The following SORBS3 variants were observed in gnomAD, a reference collection of about 807,000 sequenced individuals.
SORBS3 encodes the protein vinexin.
In SORBS3, 69 loss-of-function variants were observed where a neutral mutation model predicts 98.0. The observed-to-expected ratio is 0.70, with a 90% CI of 0.58 to 0.86. The LOEUF (loss-of-function observed/expected upper bound fraction) is 0.86. SORBS3 is among the 40% of genes least tolerant of loss of function. The pLI is 0.00. For synonymous variants in SORBS3, 394 were observed against 355.4 expected, an observed-to-expected ratio of 1.11 and a Z score of -1.22; for missense variants, 954 against 908.5, an observed-to-expected ratio of 1.05 and a Z score of -0.64.
chr8:22,563,146 T>G (rs927417643), intron 7 of SORBS3, among the ~76,000 whole-genome samples: 4 of 152,140 alleles, frequency 2.6e-5, no homozygotes, highest in African/African-American at 9.7e-5. Flanking sequence ...TGATTACTGC[T>G]TCCTTAGGTT....
intron 6 of SORBS3, chr8:22,561,660 T>A (rs1420226095): frequency 3.2e-6 from 2 of 619,764 alleles, no homozygotes; most frequent in Admixed American, 5.6e-5. Flanking sequence ...CTCGGAGTTG[T>A]TTTGAAGATG....
Position 22,574,744 on chromosome 8 carries a change from A to T in SORBS3, c.*16A>T. 6.2e-7 allele frequency: 1 copy of T among 1,610,178 alleles called. No individual in the cohort carries two copies. Among genetic ancestry groups the T allele is most frequent in the South Asian group, 1.1e-5 (1 of 90,956 alleles). On this transcript the variant is annotated 3_prime_UTR_variant, in exon 21 of 21. Coordinates refer to ENST00000240123, the MANE Select transcript of SORBS3 (RefSeq NM_005775.5). ...CCCGGTGTGAGTGGTCTCCATGGCAACTTGGAGCCAGCCAGGATGGGGTGG... is the reference window on the plus strand; with the variant it reads ...CCCGGTGTGAGTGGTCTCCATGGCATCTTGGAGCCAGCCAGGATGGGGTGG...
intron 16 of SORBS3, among the ~76,000 whole-genome samples, chr8:22,567,958 C>G (rs1840469630): frequency 6.6e-6 from 1 of 151,926 alleles, no homozygotes; most frequent in Admixed American, 6.6e-5. Flanking sequence ...AGGGATTCTC[C>G]TGCCCCAGCT....
Position 22,575,437 on chromosome 8 carries a change from C to G in SORBS3, c.*709C>G, listed in dbSNP as rs1840710765. Reference sequence around the variant, plus strand: ...TGTGCTGCCCGCCTGCCTGCTGGCTCTCCCCCAGCCCCACATCCCCTCTGG... The same window carrying G: ...TGTGCTGCCCGCCTGCCTGCTGGCTGTCCCCCAGCCCCACATCCCCTCTGG... On this transcript the variant is annotated 3_prime_UTR_variant, in exon 21 of 21. Transcript: ENST00000240123. 1 of 157,352 alleles carries G rather than the reference C, an allele frequency of 6.4e-6. No individual in the cohort carries two copies. The highest frequency in any genetic ancestry group is 1.4e-5 in the Non-Finnish European group (1 of 71,350). 9.7% of individuals were successfully genotyped at this position (157,352 alleles called of 1,614,324 possible). A position where few individuals can be genotyped will look rare whatever the true frequency, so the allele number is the denominator to read the frequency against.
At chr8:22,565,410 G>A (rs960509) in intron 11 of SORBS3, 56 bp downstream of exon 11, 676,472 of 1,400,346 alleles carry the variant, frequency 0.48, 165,847 homozygotes, top group Non-Finnish European at 0.51. Context: ...GGGTCGGGGC[G>A]AGCCGGGAGC....
chr8:22,563,265 C>A lies in SORBS3; in HGVS notation c.585-722C>A, dbSNP rs1394035737. On this transcript the variant is annotated intron_variant, in intron 7 of 20. Coordinates refer to ENST00000240123, the MANE Select transcript of SORBS3 (RefSeq NM_005775.5). ...GTCAGACGTTGTATTATTTGATAAG[C>A]CTGATGCAGTGGTTCCTCTCAGTGG... is the stretch of plus-strand genomic sequence containing the variant. Among the ~76,000 whole-genome samples, 3 of 152,178 alleles carry A rather than the reference C, an allele frequency of 2.0e-5. No individual in the cohort carries two copies. The East Asian group carries it at 5.8e-4, about 29-fold the overall frequency.
chr8:22,550,089 C>T (rs1257794653), upstream of SORBS3: 3 of 876,340 alleles, frequency 3.4e-6, no homozygotes, highest in Non-Finnish European at 4.1e-6. Context: ...AGAAAATGGG[C>T]ACCTATTTTA....
rs1479245180 is a variant in SORBS3, at chr8:22,554,867, C to T, written c.107C>T (p.Pro36Leu). The T allele has an allele frequency of 6.2e-7, 1 of 1,613,244 alleles. No individual in the cohort carries two copies. The highest frequency in any genetic ancestry group is 8.5e-7 in the Non-Finnish European group (1 of 1,179,910). ...IGSSSRGTRVPVIRNGGSNTL... is the reference protein window; with the variant it reads ...IGSSSRGTRVLVIRNGGSNTL... ...GCTCCTGGCCCCTCCCCGCAGGTGC[C>T]CGTGATCCGGAATGGTGGCTCCAAC... The change falls in exon 3 of 21, where the codon CCC (proline) becomes CTC (leucine). Residue 36 changes from proline to leucine, a missense_variant. Coordinates refer to ENST00000240123, the MANE Select transcript of SORBS3 (RefSeq NM_005775.5). This position sits in a 1 kb window ranked among gnomAD's most constrained non-coding sequence, Gnocchi z 6.5.
At chr8:22,556,618 A>G in intron 3 of SORBS3, 97 bp from the exon 4 acceptor site, 1 of 1,072,842 alleles carries the variant, frequency 9.3e-7, no homozygotes, top group Non-Finnish European at 1.4e-6. Context: ...TGAAACTTTG[A>G]ACCCACAGAG....
intron 3 of SORBS3, among the ~76,000 whole-genome samples, chr8:22,555,951 C>G (rs1840175325): frequency 6.6e-6 from 1 of 152,242 alleles, no homozygotes; most frequent in Non-Finnish European, 1.5e-5. Context: ...CGAGGCTCAC[C>G]TCGTTTAACC....
At chr8:22,565,150 G>T in intron 10 of SORBS3, 118 bp from the exon 11 acceptor site, 1 of 1,485,126 alleles carries the variant, frequency 6.7e-7, no homozygotes, top group South Asian at 1.3e-5. Context: ...CGTGCGCTGA[G>T]GCCTGCCCTT....
At chr8:22,565,951 G>A (rs1028540349) in intron 12 of SORBS3, 79 bp downstream of exon 12, 35 of 1,007,300 alleles carry the variant, frequency 3.5e-5, no homozygotes, top group Non-Finnish European at 3.9e-5. Flanking sequence ...GGGCGGGGCG[G>A]ACGGGGGCGA....
chr8:22,555,280 G>C (rs984555927), intron 3 of SORBS3, among the ~76,000 whole-genome samples: 2 of 152,200 alleles, frequency 1.3e-5, no homozygotes, highest in Non-Finnish European at 2.9e-5. Context: ...ACAGGGACTG[G>C]GGATGGAAGG....
At chr8:22,571,533 C>T in intron 18 of SORBS3, among the ~76,000 whole-genome samples, 185 bp from the exon 19 acceptor site, 1 of 152,226 alleles carries the variant, frequency 6.6e-6, no homozygotes, top group East Asian at 1.9e-4. Flanking sequence ...TTTCTGGCCC[C>T]TGTGAAATGA....
intron 11 of SORBS3, 123 bp downstream of exon 11, chr8:22,565,477 G>A: frequency 2.6e-6 from 2 of 772,852 alleles, no homozygotes; most frequent in Non-Finnish European, 3.7e-6. Flanking sequence ...CCAGCGGCGC[G>A]CACCGGCCTC....
chr8:22,564,916 G>A, intron 10 of SORBS3: 1 of 1,289,598 alleles, frequency 7.8e-7, no homozygotes, highest in South Asian at 1.7e-5. Context: ...ACCTGGATGG[G>A]CACAGTGAAG....
intron 17 of SORBS3, 73 bp downstream of exon 17, chr8:22,569,346 G>GTTT: frequency 2.8e-5 from 31 of 1,093,786 alleles, no homozygotes; most frequent in African/African-American, 3.3e-5. Context: ...ACTAAAAACA[G>GTTT]TTTTTTTTTT....
intron 20 of SORBS3, among the ~76,000 whole-genome samples, chr8:22,574,011 C>A (rs545607597): frequency 6.6e-6 from 1 of 152,158 alleles, no homozygotes; most frequent in Non-Finnish European, 1.5e-5. Context: ...TCGGCAACCC[C>A]GGCCTGGGTC....
At position 22,556,893 on chromosome 8, in the gene SORBS3, C is replaced by T. The variant is rs2117224694; in HGVS notation, c.399C>T (p.Pro133=). 1 of 1,612,878 alleles carries T rather than the reference C, an allele frequency of 6.2e-7. No individual in the cohort carries two copies. The highest frequency in any genetic ancestry group is 8.5e-7 in the Non-Finnish European group (1 of 1,180,036). ...GGCCCGTGGACGAGAGCGGCATGCC[C>T]ATTGCCCCCCGATCCGTGAGTCCAG... is the stretch of plus-strand genomic sequence containing the variant. ...GIGPVDESGM[P]IAPRSSVDRP... Residue 133 remains proline, a synonymous_variant, in exon 4 of 21, where the codon CCC becomes CCT. Transcript: ENST00000240123.
Sources: gnomAD v4.1 joint callset for allele counts (sites outside exome capture counted in the v4.1 genomes callset) on GRCh38, gnomAD v4.1.1 for gene constraint, Gnocchi (gnomAD v3.1) non-coding constraint, MANE v1.5 for transcripts, NCBI Gene and HGNC (gene_info 2026-07-23, HGNC 2026-07-21) for gene names.